Variants in COG6 observed in about 807,000 individuals in gnomAD.
COG6 encodes conserved oligomeric Golgi complex subunit 6.
A neutral mutation model predicts 88.8 loss-of-function variants in COG6; 74 were observed. The ratio of observed to expected loss-of-function variants is 0.83; its 90% CI spans 0.69 to 1.01. COG6 has a LOEUF of 1.01. Among genes scored for constraint, COG6 ranks in the 50% least tolerant of loss-of-function variants. COG6 has a pLI of 0.00. For synonymous variants in COG6, 286 were observed against 278.7 expected, an observed-to-expected ratio of 1.03 and a Z score of -0.26; for missense variants, 800 against 797.9, an observed-to-expected ratio of 1.00 and a Z score of -0.03.
At position 39,723,394 on chromosome 13, in the gene COG6, G is replaced by T. The variant is rs387906959; in HGVS notation, c.1646G>T (p.Gly549Val). The T allele has an allele frequency of 6.2e-7, 1 of 1,611,320 alleles. No individual in the cohort carries two copies. ...GCCTCTTATGTTTTAACTAGGGTAG[G>T]CTTGAGTTACATCTATAACACTGTA... is the stretch of plus-strand genomic sequence containing the variant. Reference protein sequence around the residue: ...EQASYVLTRVGLSYIYNTVQQ... With the variant: ...EQASYVLTRVVLSYIYNTVQQ... Residue 549 changes from glycine (G) to valine (V), a missense_variant, in exon 16 of 19, where the codon GGC becomes GTC. Transcript: ENST00000455146.
At chr13:39,709,258 C>G (rs1593441361) in intron 13 of COG6, among the ~76,000 whole-genome samples, 1 of 152,220 alleles carries the variant, frequency 6.6e-6, no homozygotes, top group East Asian at 1.9e-4. Flanking sequence ...GTGGATGTTC[C>G]ATACATAATA....
intron 13 of COG6, among the ~76,000 whole-genome samples, chr13:39,706,282 A>AATATATATATATATATAT (rs1877920016): frequency 1.7e-5 from 1 of 59,726 alleles, no homozygotes; most frequent in South Asian, 7.8e-4. Flanking sequence ...TATATATTTA[A>AATATATATATATATATAT]ATATATATAG....
intron 18 of COG6, among the ~76,000 whole-genome samples, chr13:39,742,828 T>C (rs1880124263): frequency 2.0e-5 from 3 of 152,152 alleles, no homozygotes; most frequent in South Asian, 4.1e-4. Flanking sequence ...ATCGCACTTA[T>C]TCCAAAATTG....
At chr13:39,689,948 A>G in intron 11 of COG6, 124 bp downstream of exon 11, 1 of 568,340 alleles carries the variant, frequency 1.8e-6, no homozygotes, top group East Asian at 2.9e-5. Flanking sequence ...TTAGCACACT[A>G]ATGTAGACTA....
At chr13:39,776,764 G>A (rs571407152) in intron 18 of COG6, among the ~76,000 whole-genome samples, 125 of 151,814 alleles carry the variant, frequency 8.2e-4, no homozygotes, top group African/African-American at 3.0e-3. Flanking sequence ...CACTTCTGTC[G>A]AAGCTGCTTT....
At chr13:39,723,288 A>C in intron 15 of COG6, 45 bp from the exon 16 acceptor site, 1 of 1,203,176 alleles carries the variant, frequency 8.3e-7, no homozygotes, top group Admixed American at 1.7e-5. Context: ...TACTCTCATC[A>C]GTGTCATTCT....
At chr13:39,761,074 G>T (rs571847064) in intron 18 of COG6, among the ~76,000 whole-genome samples, 127 of 151,766 alleles carry the variant, frequency 8.4e-4, no homozygotes, top group African/African-American at 2.6e-3. Flanking sequence ...ATATGGTTGG[G>T]ATTACTTCAA....
chr13:39,758,515 G>A (rs932443717), intron 18 of COG6, among the ~76,000 whole-genome samples: 1 of 152,148 alleles, frequency 6.6e-6, no homozygotes, highest in African/African-American at 2.4e-5. Context: ...AGTCATTAGG[G>A]AAATGCAAGT....
intron 13 of COG6, among the ~76,000 whole-genome samples, chr13:39,703,061 C>G (rs1347692448): frequency 6.6e-6 from 1 of 152,036 alleles, no homozygotes; most frequent in Non-Finnish European, 1.5e-5. Context: ...TTCCTGAGCT[C>G]TGCTAAAGAA....
intron 1 of COG6, among the ~76,000 whole-genome samples, chr13:39,658,465 G>T (rs1874673447): frequency 6.6e-6 from 1 of 151,978 alleles, no homozygotes; most frequent in South Asian, 2.1e-4. Context: ...TTTTTCATTT[G>T]TACTACTGCC....
At chr13:39,673,011 A>G (rs1336858699) in intron 4 of COG6, among the ~76,000 whole-genome samples, 12 of 149,238 alleles carry the variant, frequency 8.0e-5, no homozygotes. Context: ...TTTTTTGCTT[A>G]TTGGTATTTG....
At chr13:39,729,531 T>C (rs1342946447) in intron 18 of COG6, among the ~76,000 whole-genome samples, 1 of 152,204 alleles carries the variant, frequency 6.6e-6, no homozygotes, top group African/African-American at 2.4e-5. Flanking sequence ...ATCCTTAATA[T>C]ATAGTAAGAT....
intron 18 of COG6, 33 bp from the exon 19 acceptor site, chr13:39,750,913 T>A (rs1292197104): frequency 2.4e-5 from 37 of 1,558,494 alleles, no homozygotes; most frequent in Non-Finnish European, 3.2e-5. Flanking sequence ...TTTTTTCAAA[T>A]GATGTGTTTA....
intron 1 of COG6, among the ~76,000 whole-genome samples, chr13:39,658,469 T>G (rs1382106186): frequency 6.6e-6 from 1 of 152,194 alleles, no homozygotes; most frequent in African/African-American, 2.4e-5. Flanking sequence ...TCATTTGTAC[T>G]ACTGCCATCT....
chr13:39,673,148 C>A (rs926317382), intron 4 of COG6, among the ~76,000 whole-genome samples: 2 of 151,932 alleles, frequency 1.3e-5, no homozygotes, highest in African/African-American at 4.8e-5. Flanking sequence ...TTAACAGATA[C>A]ATTATTTGCA....
At chr13:39,775,187 A>G (rs1295553268) in intron 18 of COG6, among the ~76,000 whole-genome samples, 4 of 152,112 alleles carry the variant, frequency 2.6e-5, no homozygotes, top group Non-Finnish European at 4.4e-5. Context: ...CTGTTACCTA[A>G]GGTAAGTTAC....
In COG6 at chr13:39,751,653, G is replaced by C; in HGVS notation, c.*560G>C. ...ATGTGCTCCTGGTGTATATGGCAGT[G>C]AATCTCCTTTCTGTTCTACTTTAGC... On this transcript the variant is annotated 3_prime_UTR_variant, in exon 19 of 19. Coordinates refer to ENST00000455146, the MANE Select transcript of COG6 (RefSeq NM_020751.3). 2.3e-6 allele frequency: 3 copies of C among 1,286,922 alleles called. No homozygotes were observed. In the African/African-American group the frequency reaches 4.6e-5, roughly 20 times the overall value. The allele number at this position is 1,286,922 out of a possible 1,614,324, so 79.7% of individuals were successfully genotyped here.
chr13:39,696,960 A>G (rs983163515), intron 12 of COG6, among the ~76,000 whole-genome samples: 1 of 147,410 alleles, frequency 6.8e-6, no homozygotes, highest in African/African-American at 2.5e-5. Flanking sequence ...ACATGTATAC[A>G]TACTAGATAG....
chr13:39,785,894 T>C lies in COG6; in HGVS notation c.1827-2441T>C, dbSNP rs183484695. Among the ~76,000 whole-genome samples the C allele has an allele frequency of 7.2e-5, 11 of 152,244 alleles. No individual in the cohort carries two copies. In the East Asian group the frequency reaches 1.4e-3, roughly 19 times the overall value. ...TTGGAGGATGGAGGATTTTCCACTT[T>C]GCTCAGCTTTGGGGAGTGAAGGAAA... On this transcript the variant is annotated intron_variant, in intron 18 of 18. Coordinates refer to the COG6 transcript ENST00000416691.
Sources: allele counts gnomAD v4.1 joint callset (sites outside exome capture counted in the v4.1 genomes callset), GRCh38; gene constraint gnomAD v4.1.1; transcripts MANE v1.5; gene names NCBI Gene and HGNC (gene_info 2026-07-23, HGNC 2026-07-21).